Variants in SLC14A2 observed in about 807,000 individuals in gnomAD.
The protein encoded by SLC14A2 is urea transporter 2.
SLC14A2 carries 91 observed loss-of-function variants against 104.6 expected under a neutral mutation model. The observed-to-expected ratio is 0.87, with a 90% CI of 0.73 to 1.04. The LOEUF (loss-of-function observed/expected upper bound fraction) is 1.04, where lower values mean the gene tolerates loss of function less well. Among genes scored for constraint, SLC14A2 ranks in the 50% least tolerant of loss-of-function variants. The pLI is 0.00. For missense variants in SLC14A2, 1,189 were observed against 1,156.0 expected, an observed-to-expected ratio of 1.03 and a Z score of -0.41; for synonymous variants, 476 against 466.4, an observed-to-expected ratio of 1.02 and a Z score of -0.27.
intron 1 of SLC14A2, among the ~76,000 whole-genome samples, chr18:45,228,090 A>G (rs2144013588): frequency 6.6e-6 from 1 of 152,298 alleles, no homozygotes; most frequent in South Asian, 2.1e-4. Flanking sequence ...ACAAGAGAGA[A>G]TCTTCCATTG....
intron 1 of SLC14A2, among the ~76,000 whole-genome samples, chr18:45,273,830 C>A (rs2084675271): frequency 6.6e-6 from 1 of 151,788 alleles, no homozygotes; most frequent in Non-Finnish European, 1.5e-5. Context: ...ATCTGCAAGG[C>A]ATTTTTTCTT....
intron 1 of SLC14A2, among the ~76,000 whole-genome samples, chr18:45,333,544 G>C (rs2085309848): frequency 6.6e-6 from 1 of 152,176 alleles, no homozygotes; most frequent in African/African-American, 2.4e-5. Context: ...ACCAGAACTG[G>C]TCTTGAGAAA....
chr18:45,639,767 G>GTAACACCT lies in SLC14A2; in HGVS notation c.865_866insTAACACCT (p.Gly289ValfsTer44). 6.2e-7 allele frequency: 1 copy of GTAACACCT among 1,613,888 alleles called. No individual in the cohort carries two copies. The highest frequency in any genetic ancestry group is 1.7e-5 in the Admixed American group (1 of 60,020). On this transcript the variant is annotated frameshift_variant, in exon 7 of 20. Transcript: ENST00000255226. LOFTEE classifies it high-confidence loss of function. ...GCAGCTGTTACAAGCCATCCCTGTT[G>GTAACACCT]GGGTCGGCCAGGTGTATGGCTGTGA... is the stretch of plus-strand genomic sequence containing the variant.
At chr18:45,450,707 TATCTG>T (rs1363366175) in intron 1 of SLC14A2, among the ~76,000 whole-genome samples, 1 of 152,190 alleles carries the variant, frequency 6.6e-6, no homozygotes. Context: ...GTCTATTAAT[TATCTG>T]ATCAACAAGT....
intron 1 of SLC14A2, among the ~76,000 whole-genome samples, chr18:45,329,346 T>G (rs1372898922): frequency 6.6e-6 from 1 of 152,150 alleles, no homozygotes; most frequent in Non-Finnish European, 1.5e-5. Flanking sequence ...ATGATGAGTG[T>G]GTATGTGTGC....
chr18:45,229,279 A>G (rs768561406), intron 1 of SLC14A2, among the ~76,000 whole-genome samples: 28 of 152,192 alleles, frequency 1.8e-4, no homozygotes, highest in African/African-American at 5.8e-4. Context: ...TGCCTTCCAG[A>G]GGGCCAGAAG....
chr18:45,441,539 C>T (rs1365043519), intron 1 of SLC14A2, among the ~76,000 whole-genome samples: 1 of 152,162 alleles, frequency 6.6e-6, no homozygotes, highest in Non-Finnish European at 1.5e-5. Context: ...GACAAGGAGG[C>T]CTAGGAGGAA....
intron 2 of SLC14A2, among the ~76,000 whole-genome samples, chr18:45,595,227 G>C (rs895338824): frequency 9.6e-6 from 1 of 104,068 alleles, no homozygotes; most frequent in East Asian, 3.0e-4. Flanking sequence ...TTAATGTTAC[G>C]CAAAAAGCAG....
At chr18:45,548,611 G>A (rs1156816296) in intron 2 of SLC14A2, among the ~76,000 whole-genome samples, 1 of 152,172 alleles carries the variant, frequency 6.6e-6, no homozygotes, top group Non-Finnish European at 1.5e-5. Context: ...GGCTGATGTG[G>A]GATGATTGCT....
chr18:45,205,058 A>G, the SLC14A2 span, among the ~76,000 whole-genome samples: 6 of 152,184 alleles, frequency 3.9e-5, no homozygotes, highest in African/African-American at 1.4e-4. Context: ...TGGCCATGGT[A>G]TGGAACTAGG....
At chr18:45,472,323 G>A (rs937325918) in intron 1 of SLC14A2, among the ~76,000 whole-genome samples, 2 of 152,176 alleles carry the variant, frequency 1.3e-5, no homozygotes, top group African/African-American at 4.8e-5. Flanking sequence ...TGTGGATAGT[G>A]CTGCAGTAAA....
chr18:45,373,959 C>T (rs1460828495), intron 1 of SLC14A2, among the ~76,000 whole-genome samples: 2 of 152,166 alleles, frequency 1.3e-5, no homozygotes, highest in Admixed American at 1.3e-4. Context: ...AATACTGTTG[C>T]TAAAAAGGAG....
At chr18:45,388,695 T>C (rs1164854719) in intron 1 of SLC14A2, among the ~76,000 whole-genome samples, 1 of 152,150 alleles carries the variant, frequency 6.6e-6, no homozygotes, top group Non-Finnish European at 1.5e-5. Context: ...ATGTTTCTCA[T>C]CCCAGATACC....
At chr18:45,174,065 G>C in the SLC14A2 span, among the ~76,000 whole-genome samples, 1 of 152,084 alleles carries the variant, frequency 6.6e-6, no homozygotes, top group African/African-American at 2.4e-5. Context: ...TATGTTACCA[G>C]GTCAATTTTT....
At chr18:45,638,577 G>A (rs1431067292) in intron 6 of SLC14A2, among the ~76,000 whole-genome samples, 1 of 152,110 alleles carries the variant, frequency 6.6e-6, no homozygotes, top group East Asian at 1.9e-4. Flanking sequence ...AATTAAATCA[G>A]AATGTCTAGG....
At position 45,539,682 on chromosome 18, in the gene SLC14A2, T is replaced by TC. The variant is rs1776197730; in HGVS notation, c.-35+56362dup. 2.6e-5 allele frequency among the ~76,000 whole-genome samples: 4 copies of TC among 152,184 alleles called. No homozygotes were observed. The South Asian group carries it at 8.3e-4, about 32-fold the overall frequency. ...TTCCCCTTGCCCCCATGGTGTCATT[T>TC]CCAAATCCATTACATTCCAATGGCT... is the stretch of plus-strand genomic sequence containing the variant. On this transcript the variant is annotated intron_variant, in intron 2 of 20. Coordinates refer to the SLC14A2 transcript ENST00000586448.
chr18:45,595,240 T>A (rs2044704886), intron 2 of SLC14A2, among the ~76,000 whole-genome samples: 1 of 152,206 alleles, frequency 6.6e-6, no homozygotes, highest in Non-Finnish European at 1.5e-5. Context: ...AAAAGCAGGG[T>A]CTCAGTAAAA....
chr18:45,287,905 C>G (rs538387662), intron 1 of SLC14A2, among the ~76,000 whole-genome samples: 1 of 152,298 alleles, frequency 6.6e-6, no homozygotes, highest in East Asian at 1.9e-4. Context: ...CATCCTTGAC[C>G]CCAGAGGATA....
intron 1 of SLC14A2, among the ~76,000 whole-genome samples, chr18:45,426,344 G>A (rs992304134): frequency 6.6e-6 from 1 of 152,012 alleles, no homozygotes; most frequent in African/African-American, 2.4e-5. Flanking sequence ...TATCGAGTGC[G>A]TAATCGTGAT....
Sources: allele counts gnomAD v4.1 joint callset (sites outside exome capture counted in the v4.1 genomes callset), GRCh38; gene constraint gnomAD v4.1.1; transcripts MANE v1.5; gene names NCBI Gene and HGNC (gene_info 2026-07-23, HGNC 2026-07-21).